RUFY1: variants seen among roughly 807,000 people sequenced by gnomAD.
The protein encoded by RUFY1 is RUN and FYVE domain containing 1.
Under a neutral mutation model 94.6 loss-of-function variants are expected in RUFY1, and 54 were observed. The ratio of observed to expected loss-of-function variants is 0.57; its 90% CI spans 0.46 to 0.72. The LOEUF is 0.72. Among genes scored for constraint, RUFY1 ranks in the 30% least tolerant of loss-of-function variants. RUFY1 has a pLI of 0.00. For synonymous variants in RUFY1, 396 were observed against 347.3 expected, an observed-to-expected ratio of 1.14 and a Z score of -1.56; for missense variants, 883 against 883.9, an observed-to-expected ratio of 1.00 and a Z score of 0.01.
chr5:179,593,361 G>GT (rs1317606799), intron 10 of RUFY1, 117 bp from the exon 11 acceptor site: 3 of 1,219,396 alleles, frequency 2.5e-6, no homozygotes, highest in Non-Finnish European at 3.5e-6. Flanking sequence ...TTACAGGCAT[G>GT]AGCCACCACA....
Position 179,591,712 on chromosome 5 carries a change from C to CAT in RUFY1, c.1217_1218insTA (p.Gln406HisfsTer3). 6.2e-7 allele frequency: 1 copy of CAT among 1,609,610 alleles called. No individual in the cohort carries two copies. The highest frequency in any genetic ancestry group is 8.5e-7 in the Non-Finnish European group (1 of 1,178,452). ...TGAAATGTACAGTGATGTGTGGAAG[C>CAT]AGCTAAAAGAGGAGAAGAAAGTCCG... On this transcript the variant is annotated frameshift_variant, in exon 10 of 18. Coordinates refer to ENST00000319449, the MANE Select transcript of RUFY1 (RefSeq NM_025158.5). LOFTEE classifies it high-confidence loss of function.
At position 179,567,443 on chromosome 5, in the gene RUFY1, T is replaced by A. The variant is rs375482329; in HGVS notation, c.603-18T>A. On this transcript the variant is annotated intron_variant, in intron 3 of 17. Transcript: ENST00000319449. ...TTGTTGTTATGCCACAATAGTTGAT[T>A]CTCTGTTTGAATTCTAGGACAGCTG... 1.8e-5 allele frequency: 28 copies of A among 1,591,216 alleles called. No individual in the cohort carries two copies. The African/African-American group carries it at 2.6e-4, about 15-fold the overall frequency.
At chr5:179,554,922 C>A (rs1394999913) in intron 1 of RUFY1, among the ~76,000 whole-genome samples, 5 of 151,780 alleles carry the variant, frequency 3.3e-5, no homozygotes, top group Admixed American at 1.3e-4. Flanking sequence ...GAGCCAAGAT[C>A]ACGCCACTGC....
chr5:179,596,101 T>A, intron 12 of RUFY1: 1 of 207,664 alleles, frequency 4.8e-6, no homozygotes, highest in Non-Finnish European at 9.8e-6. Context: ...ATGTTCTGCA[T>A]TGGGTGATGG....
rs34633958 is a variant in RUFY1 at position 179,587,559 on chromosome 5, A to AT, written c.1026+1716dup. On this transcript the variant is annotated intron_variant, in intron 8 of 17. Coordinates refer to ENST00000319449, the MANE Select transcript of RUFY1 (RefSeq NM_025158.5). The stretch of plus-strand genomic sequence containing the variant: ...GGCGCCCGCCACCACGCCCGGCTAA[A>AT]TTTTTTTTTTTTTTTTTTTTTTAGT... Among the ~76,000 whole-genome samples the AT allele has an allele frequency of 5.3e-3, 575 of 108,056 alleles. 3 individuals carry two copies. Among genetic ancestry groups the AT allele is most frequent in the African/African-American group, 0.019 (511 of 26,870 alleles). 70.9% of individuals were successfully genotyped at this position (108,056 alleles called of 152,430 possible).
chr5:179,556,320 A>G (rs1229947204), intron 1 of RUFY1, among the ~76,000 whole-genome samples: 1 of 152,152 alleles, frequency 6.6e-6, no homozygotes, highest in Non-Finnish European at 1.5e-5. Flanking sequence ...TCATCTTATA[A>G]GTCTCAGCAA....
intron 12 of RUFY1, among the ~76,000 whole-genome samples, chr5:179,595,628 C>T (rs929464639): frequency 4.6e-5 from 7 of 151,712 alleles, no homozygotes; most frequent in Admixed American, 6.6e-5. Context: ...CTCAGCTCAC[C>T]GCAATCTCTA....
Position 179,578,746 on chromosome 5 carries a change from C to T in RUFY1, c.890+1610C>T, listed in dbSNP as rs567496301. 3.4e-4 allele frequency among the ~76,000 whole-genome samples: 51 copies of T among 152,162 alleles called. 1 individual carries two copies. The highest frequency in any genetic ancestry group is 6.8e-3 in the Middle Eastern group (2 of 294). On this transcript the variant is annotated intron_variant, in intron 6 of 17. Coordinates refer to ENST00000319449, the MANE Select transcript of RUFY1 (RefSeq NM_025158.5). ...GAAACCTCCACCTCCCAGGTTCAAG[C>T]GATTCTCCTGCCTCAACCTTCCTGA... is the stretch of plus-strand genomic sequence containing the variant.
intron 9 of RUFY1, among the ~76,000 whole-genome samples, chr5:179,590,279 G>A (rs1384518093): frequency 7.3e-5 from 11 of 151,300 alleles, no homozygotes; most frequent in East Asian, 6.0e-4. Context: ...GTGTGAACCC[G>A]GGAGATGGAG....
At chr5:179,570,731 C>T (rs1392738136) in intron 5 of RUFY1, among the ~76,000 whole-genome samples, 2 of 152,068 alleles carry the variant, frequency 1.3e-5, no homozygotes, top group Non-Finnish European at 2.9e-5. Context: ...TAAAGATTCC[C>T]TGATCCCTCC....
At chr5:179,559,749 C>G in intron 1 of RUFY1, 1 of 1,144,784 alleles carries the variant, frequency 8.7e-7, no homozygotes, top group Non-Finnish European at 1.1e-6. Flanking sequence ...CTAAAGCCGT[C>G]GCCGTAGCAA....
At chr5:179,577,434 G>C (rs1763711058) in intron 6 of RUFY1, among the ~76,000 whole-genome samples, 1 of 151,366 alleles carries the variant, frequency 6.6e-6, no homozygotes, top group Admixed American at 6.6e-5. Flanking sequence ...CAAAGTGCTG[G>C]GATTACAGGC....
intron 13 of RUFY1, chr5:179,598,463 T>A (rs563938679): frequency 2.4e-4 from 136 of 572,698 alleles, no homozygotes; most frequent in Admixed American, 5.3e-4. Context: ...CTCTTCCTTC[T>A]CCCCTGCGTA....
At position 179,581,028 on chromosome 5, in the gene RUFY1, T is replaced by C; in HGVS notation, c.956+16T>C. On this transcript the variant is annotated intron_variant, in intron 7 of 17. Transcript: ENST00000319449. ...GGCACTTGAGGTAAGACTCCTTTTT[T>C]TTTCAATGTGACAGTTACATACTCG... The C allele has an allele frequency of 6.4e-7, 1 of 1,551,798 alleles. No individual in the cohort carries two copies. Among genetic ancestry groups the C allele is most frequent in the South Asian group, 1.1e-5 (1 of 87,548 alleles).
chr5:179,569,321 G>A lies in RUFY1; in HGVS notation c.724G>A (p.Ala242Thr), dbSNP rs1257837222. Residue 242 changes from alanine to threonine, a missense_variant, in exon 5 of 18, where the codon GCT (alanine) becomes ACT (threonine). Ala to Thr is a moderately conservative substitution (Grantham distance 58). Coordinates refer to ENST00000319449, the MANE Select transcript of RUFY1 (RefSeq NM_025158.5). ...TTTCAGCGAGTTCTATGAGCCTGAGGCTTTAATGATGGAGGAAGAAGGGAT... is the reference window on the plus strand; with the variant it reads ...TTTCAGCGAGTTCTATGAGCCTGAGACTTTAATGATGGAGGAAGAAGGGAT... ...HLLSEFYEPE[A>T]LMMEEEGMVI... 1 of 1,613,892 alleles carries A rather than the reference G, an allele frequency of 6.2e-7. No individual in the cohort carries two copies. The highest frequency in any genetic ancestry group is 1.1e-5 in the South Asian group (1 of 91,076).
intron 14 of RUFY1, 100 bp downstream of exon 14, chr5:179,598,921 G>A: frequency 7.3e-7 from 1 of 1,369,422 alleles, no homozygotes; most frequent in Non-Finnish European, 1.0e-6. Context: ...TTGTGTGGGG[G>A]CCAGGCGGCT....
intron 7 of RUFY1, among the ~76,000 whole-genome samples, chr5:179,582,038 G>A (rs924346732): frequency 6.6e-6 from 1 of 151,902 alleles, no homozygotes; most frequent in Non-Finnish European, 1.5e-5. Flanking sequence ...TTTTTTGGTC[G>A]ATTACTAGTT....
intron 16 of RUFY1, 175 bp downstream of exon 16, chr5:179,606,099 T>G (rs1260869447): frequency 3.3e-6 from 2 of 600,678 alleles, no homozygotes; most frequent in African/African-American, 3.7e-5. Context: ...CTGAGGGCGA[T>G]GCTGACAGGT....
chr5:179,564,102 C>T (rs189993341), intron 3 of RUFY1, among the ~76,000 whole-genome samples: 3 of 148,942 alleles, frequency 2.0e-5, no homozygotes, highest in East Asian at 2.0e-4. Flanking sequence ...CCTACACAGA[C>T]GGCGTCCTGA....
Sources: gnomAD v4.1 joint callset for allele counts (sites outside exome capture counted in the v4.1 genomes callset) on GRCh38, gnomAD v4.1.1 for gene constraint, MANE v1.5 for transcripts, NCBI Gene and HGNC (gene_info 2026-07-23, HGNC 2026-07-21) for gene names.